Variants in OPRK1 observed in about 807,000 individuals in gnomAD.
The protein encoded by OPRK1 is opioid receptor kappa 1.
A neutral mutation model predicts 24.5 loss-of-function variants in OPRK1; 15 were observed. The observed-to-expected ratio is 0.61, with a 90% CI of 0.41 to 0.94. OPRK1 has a LOEUF of 0.94. Among genes scored for constraint, OPRK1 ranks in the 40% least tolerant of loss-of-function variants. The probability of loss-of-function intolerance (pLI) is 0.00; values close to 1 mark genes in which losing one functional copy is unlikely to be tolerated. For missense variants in OPRK1, 479 were observed against 507.3 expected (o/e 0.94, Z 0.54); for synonymous variants, 205 against 198.0 (o/e 1.04, Z -0.30).
chr8:53,230,277 C>T (rs565298581), intron 3 of OPRK1, among the ~76,000 whole-genome samples: 2 of 152,088 alleles, frequency 1.3e-5, no homozygotes, highest in African/African-American at 2.4e-5. Context: ...CAAATCTAGC[C>T]ACTGAATTTA....
Position 53,229,285 on chromosome 8 carries a change from C to T in OPRK1, c.*12G>A. ...TTCCCGAAGAACTGTACGAAGACAT[C>T]TCCACGACTAGTCATACTGGTTTAT... On this transcript the variant is annotated 3_prime_UTR_variant, in exon 4 of 4. Transcript: ENST00000265572. 1 of 1,606,232 alleles carries T rather than the reference C, an allele frequency of 6.2e-7. No homozygotes were observed. Among genetic ancestry groups the T allele is most frequent in the Non-Finnish European group, 8.5e-7 (1 of 1,175,244 alleles).
chr8:53,245,956 T>C (rs1807217568), intron 2 of OPRK1, among the ~76,000 whole-genome samples: 1 of 152,186 alleles, frequency 6.6e-6, no homozygotes, highest in African/African-American at 2.4e-5. Flanking sequence ...TGACTTCCTA[T>C]CTTAGCCAGT....
chr8:53,249,567 CG>C lies in OPRK1; in HGVS notation c.257+1213del, dbSNP rs1203424396. On this transcript the variant is annotated intron_variant, in intron 2 of 3. Coordinates refer to ENST00000265572, the MANE Select transcript of OPRK1 (RefSeq NM_000912.5). Reference sequence around the variant, plus strand: ...AATGAGCTTTATAATATGTGTTTGGCGACTTAAATGATGGTTTTTAATGTCA... The same window carrying C: ...AATGAGCTTTATAATATGTGTTTGGCACTTAAATGATGGTTTTTAATGTCA... 1.2e-4 allele frequency among the ~76,000 whole-genome samples: 18 copies of C among 152,042 alleles called. 1 individual carries two copies. The highest frequency in any genetic ancestry group is 3.3e-4 in the Admixed American group (5 of 15,282).
chr8:53,228,802 T>C lies in OPRK1; in HGVS notation c.*495A>G, dbSNP rs201167465. On this transcript the variant is annotated 3_prime_UTR_variant, in exon 4 of 4. Coordinates refer to ENST00000265572, the MANE Select transcript of OPRK1 (RefSeq NM_000912.5). ...ACCACACAGCCACATGAAATGCATG[T>C]CCACACAGCATACAGTGAGCTGGGC... 6.5e-6 allele frequency: 1 copy of C among 154,110 alleles called. No individual in the cohort carries two copies. The highest frequency in any genetic ancestry group is 1.4e-5 in the Non-Finnish European group (1 of 69,446). The allele number at this position is 154,110 out of a possible 1,614,324, so 9.5% of individuals were successfully genotyped here. A position where few individuals can be genotyped will look rare whatever the true frequency, so the allele number is the denominator to read the frequency against.
chr8:53,241,128 C>T (rs771443148), intron 2 of OPRK1, among the ~76,000 whole-genome samples: 131 of 152,078 alleles, frequency 8.6e-4, no homozygotes, highest in Non-Finnish European at 1.5e-3. Context: ...TGTGTGGGGG[C>T]ATGGGGTATA....
intron 2 of OPRK1, among the ~76,000 whole-genome samples, chr8:53,248,527 A>G (rs1471907108): frequency 6.6e-6 from 1 of 152,092 alleles, no homozygotes; most frequent in African/African-American, 2.4e-5. Context: ...GATGATCACA[A>G]CGCAACCCAC....
chr8:53,248,240 A>G (rs562074388), intron 2 of OPRK1, among the ~76,000 whole-genome samples: 4 of 152,126 alleles, frequency 2.6e-5, no homozygotes, highest in African/African-American at 9.6e-5. Context: ...CCAAGGTGGG[A>G]AAAGCTATTT....
At chr8:53,248,347 G>C (rs1376607723) in intron 2 of OPRK1, among the ~76,000 whole-genome samples, 2 of 152,140 alleles carry the variant, frequency 1.3e-5, no homozygotes, top group East Asian at 3.8e-4. Context: ...CACACTCTGA[G>C]CATCTAAGTT....
Position 53,229,666 on chromosome 8 carries a change from G to C in OPRK1, c.774C>G (p.Leu258=). ...LMILRLKSVR[L]LSGSREKDRN... ...GATCTTTCTCTCGGGAGCCAGAAAG[G>C]AGCCGGACGCTCTTGAGACGCAGGA... is the stretch of plus-strand genomic sequence containing the variant. Residue 258 remains leucine (L), a synonymous_variant, in exon 4 of 4, where the codon CTC becomes CTG. Coordinates refer to ENST00000265572, the MANE Select transcript of OPRK1 (RefSeq NM_000912.5). The C allele has an allele frequency of 6.2e-7, 1 of 1,614,080 alleles. No homozygotes were observed. Among genetic ancestry groups the C allele is most frequent in the Non-Finnish European group, 8.5e-7 (1 of 1,179,998 alleles).
chr8:53,231,867 C>T (rs921551200), intron 3 of OPRK1, among the ~76,000 whole-genome samples: 2 of 152,180 alleles, frequency 1.3e-5, no homozygotes, highest in Admixed American at 6.5e-5. Flanking sequence ...CTGTTTAATT[C>T]GGATAGACCT....
At chr8:53,237,683 T>G (rs1449851390) in intron 2 of OPRK1, among the ~76,000 whole-genome samples, 2 of 152,170 alleles carry the variant, frequency 1.3e-5, no homozygotes, top group Non-Finnish European at 2.9e-5. Flanking sequence ...AACCCAGGGG[T>G]TTGATCCCAA....
intron 2 of OPRK1, among the ~76,000 whole-genome samples, chr8:53,245,087 A>G (rs553045917): frequency 6.6e-6 from 1 of 152,366 alleles, no homozygotes; most frequent in African/African-American, 2.4e-5. Context: ...TGGAATAATG[A>G]CAAGAAAGAA....
intron 3 of OPRK1, among the ~76,000 whole-genome samples, chr8:53,231,492 C>T (rs1806851925): frequency 6.6e-6 from 1 of 152,152 alleles, no homozygotes; most frequent in Non-Finnish European, 1.5e-5. Context: ...AGATGGAGGT[C>T]TGTCTCTTAA....
At chr8:53,235,191 G>T in intron 2 of OPRK1, 80 bp from the exon 3 acceptor site, 1 of 1,215,564 alleles carries the variant, frequency 8.2e-7, no homozygotes, top group Non-Finnish European at 1.2e-6. Context: ...ATAGCCTTTG[G>T]ATTACTGATT....
At chr8:53,249,861 C>G (rs1316466526) in intron 2 of OPRK1, among the ~76,000 whole-genome samples, 1 of 152,164 alleles carries the variant, frequency 6.6e-6, no homozygotes. Context: ...GGAACACAAG[C>G]TTCCTACTCC....
At chr8:53,251,132 C>A (rs1372902808) in intron 1 of OPRK1, 47 bp from the exon 2 acceptor site, 3 of 1,406,642 alleles carry the variant, frequency 2.1e-6, no homozygotes, top group Non-Finnish European at 2.8e-6. Context: ...CAAACTTTGC[C>A]CGCGCCCTGG....
chr8:53,246,555 T>C (rs1807233750), intron 2 of OPRK1, among the ~76,000 whole-genome samples: 1 of 152,016 alleles, frequency 6.6e-6, no homozygotes, highest in South Asian at 2.1e-4. Context: ...AGGGAGAGAT[T>C]GCAGACACAG....
At chr8:53,240,765 A>G (rs1807093718) in intron 2 of OPRK1, among the ~76,000 whole-genome samples, 2 of 152,274 alleles carry the variant, frequency 1.3e-5, no homozygotes, top group South Asian at 2.1e-4. Flanking sequence ...AATTTACAGC[A>G]GGGGGCTAGC....
At chr8:53,231,569 G>A (rs530227310) in intron 3 of OPRK1, among the ~76,000 whole-genome samples, 10 of 152,230 alleles carry the variant, frequency 6.6e-5, no homozygotes, top group African/African-American at 2.4e-4. Flanking sequence ...CCAGACAGAA[G>A]CCTGTCTGAT....
Sources: gnomAD v4.1 joint callset for allele counts (sites outside exome capture counted in the v4.1 genomes callset) on GRCh38, gnomAD v4.1.1 for gene constraint, MANE v1.5 for transcripts, NCBI Gene and HGNC (gene_info 2026-07-23, HGNC 2026-07-21) for gene names.